The following USH2A variants were observed in gnomAD, a reference collection of about 807,000 sequenced individuals.
USH2A encodes usherin.
In USH2A, 443 loss-of-function variants were observed where a neutral mutation model predicts 538.9. That is an observed-to-expected ratio of 0.82 (90% CI 0.76 to 0.89). The LOEUF (loss-of-function observed/expected upper bound fraction) is 0.89, where lower values mean the gene tolerates loss of function less well. Ranked by LOEUF, USH2A falls within the 40% of genes least tolerant of loss-of-function variation. The pLI is 0.00. For synonymous variants in USH2A, 2,413 were observed against 2,273.5 expected (o/e 1.06, Z -1.75); for missense variants, 6,633 against 6,324.8 (o/e 1.05, Z -1.65).
intron 19 of USH2A, among the ~76,000 whole-genome samples, chr1:216,191,805 T>C (rs767522080): frequency 1.2e-4 from 19 of 152,020 alleles, no homozygotes; most frequent in Non-Finnish European, 2.4e-4. Flanking sequence ...AGCTATTTCT[T>C]ATTTAATTTA....
chr1:215,823,812 A>G, intron 47 of USH2A, among the ~76,000 whole-genome samples: 1 of 151,882 alleles, frequency 6.6e-6, no homozygotes, highest in Non-Finnish European at 1.5e-5. Context: ...CTAGTTTGCT[A>G]TTGAGAGCCT....
intron 9 of USH2A, among the ~76,000 whole-genome samples, chr1:216,295,303 T>C (rs759625275): frequency 4.0e-5 from 6 of 151,844 alleles, no homozygotes; most frequent in Admixed American, 1.3e-4. Context: ...AGTAGGCTAA[T>C]TGGAGTCTGT....
chr1:215,787,881 T>TA (rs1387055408), intron 51 of USH2A, among the ~76,000 whole-genome samples: 4 of 152,042 alleles, frequency 2.6e-5, no homozygotes, highest in South Asian at 2.1e-4. Flanking sequence ...CTGTCACTAC[T>TA]AAAAAAACAA....
Position 215,862,668 on chromosome 1 carries a change from A to C in USH2A, c.8845+4339T>G, listed in dbSNP as rs918990756. ...TATATATTATATAAAATGGTATTGA[A>C]AGGACCATGCACATTTTAGAAATAG... On this transcript the variant is annotated intron_variant, in intron 44 of 71. Transcript: ENST00000307340. 3.3e-5 allele frequency among the ~76,000 whole-genome samples: 5 copies of C among 152,332 alleles called. No homozygotes were observed. The South Asian group carries it at 1.0e-3, about 32-fold the overall frequency.
At chr1:215,639,313 C>G in intron 68 of USH2A, 75 bp from the exon 69 acceptor site, 7 of 1,364,456 alleles carry the variant, frequency 5.1e-6, no homozygotes, top group Non-Finnish European at 7.3e-6. Flanking sequence ...TTTAAAAGAG[C>G]AATGCATCAT....
intron 52 of USH2A, among the ~76,000 whole-genome samples, chr1:215,784,069 G>C (rs1457638882): frequency 6.6e-6 from 1 of 151,922 alleles, no homozygotes; most frequent in Non-Finnish European, 1.5e-5. Context: ...TTTCTGCTCG[G>C]GGGTATCTGC....
intron 20 of USH2A, among the ~76,000 whole-genome samples, chr1:216,184,326 C>A (rs75793068): frequency 6.6e-6 from 1 of 151,800 alleles, no homozygotes; most frequent in Admixed American, 6.6e-5. Context: ...GATTTTTTTT[C>A]CCCACTTTCT....
intron 34 of USH2A, among the ~76,000 whole-genome samples, chr1:215,996,650 A>C (rs936102276): frequency 3.7e-5 from 5 of 133,974 alleles, no homozygotes; most frequent in Non-Finnish European, 7.6e-5. Flanking sequence ...AGTGTTTCCA[A>C]GCAAATTATT....
chr1:215,677,651 T>C (rs1658078472), intron 62 of USH2A, among the ~76,000 whole-genome samples: 1 of 152,170 alleles, frequency 6.6e-6, no homozygotes, highest in Non-Finnish European at 1.5e-5. Flanking sequence ...TCTTCTCTTT[T>C]TGGACACTCC....
chr1:216,234,757 T>G (rs2035772941), intron 13 of USH2A, among the ~76,000 whole-genome samples: 1 of 152,014 alleles, frequency 6.6e-6, no homozygotes, highest in South Asian at 2.1e-4. Context: ...TTAGAAGAAA[T>G]GATGTATTAG....
intron 70 of USH2A, among the ~76,000 whole-genome samples, chr1:215,632,470 T>C (rs190392749): frequency 6.6e-6 from 1 of 152,298 alleles, no homozygotes; most frequent in Non-Finnish European, 1.5e-5. Context: ...AGGAAGACAG[T>C]GTTCTTCCTC....
At chr1:215,811,821 G>A (rs954285353) in intron 49 of USH2A, among the ~76,000 whole-genome samples, 12 of 151,478 alleles carry the variant, frequency 7.9e-5, no homozygotes, top group East Asian at 4.0e-4. Flanking sequence ...CAGGAGAATC[G>A]CTTGAACCTG....
intron 3 of USH2A, among the ~76,000 whole-genome samples, chr1:216,400,463 C>G (rs191547430): frequency 2.0e-5 from 3 of 149,838 alleles, no homozygotes; most frequent in Non-Finnish European, 4.4e-5. Flanking sequence ...AAAGAGTTAA[C>G]ATTTGTATAA....
At chr1:216,137,561 A>C (rs1405624990) in intron 21 of USH2A, among the ~76,000 whole-genome samples, 1 of 152,182 alleles carries the variant, frequency 6.6e-6, no homozygotes, top group Non-Finnish European at 1.5e-5. Flanking sequence ...TCCAAGTCCC[A>C]AAACTGAAGA....
chr1:215,786,609 AT>A, intron 52 of USH2A, 60 bp downstream of exon 52: 1 of 1,578,056 alleles, frequency 6.3e-7, no homozygotes, highest in Non-Finnish European at 8.7e-7. Flanking sequence ...ATAAATCTGC[AT>A]TTTCAGCAGC....
chr1:215,988,543 T>A (rs1252882532), intron 35 of USH2A, among the ~76,000 whole-genome samples: 2 of 152,164 alleles, frequency 1.3e-5, no homozygotes, highest in African/African-American at 4.8e-5. Flanking sequence ...TGCTACATCA[T>A]CTAATAATTC....
intron 63 of USH2A, among the ~76,000 whole-genome samples, chr1:215,673,137 C>A (rs116000581): frequency 6.6e-6 from 1 of 152,136 alleles, no homozygotes; most frequent in Non-Finnish European, 1.5e-5. Flanking sequence ...GCAGAGGATA[C>A]CTGAGGAAGT....
chr1:216,358,997 T>C (rs1419596281), intron 4 of USH2A, among the ~76,000 whole-genome samples: 3 of 152,144 alleles, frequency 2.0e-5, no homozygotes, highest in Non-Finnish European at 4.4e-5. Context: ...TAAAACACTT[T>C]TAGAAGTACT....
chr1:215,969,027 GC>G (rs2102457072), intron 36 of USH2A, among the ~76,000 whole-genome samples: 1 of 152,236 alleles, frequency 6.6e-6, no homozygotes, highest in South Asian at 2.1e-4. Context: ...GCCATCCAGG[GC>G]TATTTAGAAT....
Sources: gnomAD v4.1 joint callset for allele counts (sites outside exome capture counted in the v4.1 genomes callset) on GRCh38, gnomAD v4.1.1 for gene constraint, MANE v1.5 for transcripts, NCBI Gene and HGNC (gene_info 2026-07-23, HGNC 2026-07-21) for gene names.